DRC12: variants seen among roughly 807,000 people sequenced by gnomAD.
The protein encoded by DRC12 is dynein regulatory complex protein 12.
the DRC12 span, chr11:119,193,273 C>G: frequency 3.8e-5 from 61 of 1,589,736 alleles, no homozygotes; most frequent in Non-Finnish European, 4.8e-5. Context: ...CCACCAGGGA[C>G]CCAGGTTGGA....
chr11:119,190,630 G>C, the DRC12 span: 2 of 1,571,182 alleles, frequency 1.3e-6, no homozygotes, highest in Non-Finnish European at 1.7e-6. The surrounding 1 kb of genome is among the most constrained non-coding windows in gnomAD (Gnocchi z 4.2). Context: ...TGGGTTGTCA[G>C]TCATCATACG....
At chr11:119,191,700 C>T in the DRC12 span, among the ~76,000 whole-genome samples, 94 of 151,674 alleles carry the variant, frequency 6.2e-4, no homozygotes, top group African/African-American at 2.1e-3. Context: ...CCCAGCTACT[C>T]GGGAGACTGA....
chr11:119,190,802 C>T, the DRC12 span: 2 of 1,613,882 alleles, frequency 1.2e-6, no homozygotes, highest in South Asian at 1.1e-5. The surrounding 1 kb of genome is among the most constrained non-coding windows in gnomAD (Gnocchi z 4.2). Context: ...GCTTGTTCAG[C>T]CTCTTCCCGG....
At chr11:119,193,437 A>G in the DRC12 span, 1 of 902,298 alleles carries the variant, frequency 1.1e-6, no homozygotes. Context: ...AGCCCGACCT[A>G]CCTCCCCCAG....
chr11:119,194,840 C>T, the DRC12 span: 1 of 1,067,944 alleles, frequency 9.4e-7, no homozygotes, highest in South Asian at 1.5e-5. Context: ...ACCATACCTC[C>T]AACTCTCCAA....
chr11:119,193,711 G>A, the DRC12 span: 9 of 1,543,546 alleles, frequency 5.8e-6, no homozygotes, highest in East Asian at 2.2e-4. Context: ...TGACCCTGTT[G>A]GTTGTCCTCC....
chr11:119,195,498 T>C, the DRC12 span: 1,795 of 1,549,440 alleles, frequency 1.2e-3, 14 homozygotes, highest in South Asian at 9.8e-3. Flanking sequence ...CTCCTTGCTG[T>C]CCTGGGAGAA....
At chr11:119,190,335 G>T in the DRC12 span, 38 of 1,614,022 alleles carry the variant, frequency 2.4e-5, no homozygotes, top group South Asian at 6.6e-5. This position sits in a 1 kb window ranked among gnomAD's most constrained non-coding sequence, Gnocchi z 4.2. Context: ...AAAGATCCAG[G>T]GGGGGTGAGT....
At chr11:119,190,723 T>C in the DRC12 span, 3 of 1,613,866 alleles carry the variant, frequency 1.9e-6, no homozygotes, top group Middle Eastern at 1.7e-4. This position sits in a 1 kb window ranked among gnomAD's most constrained non-coding sequence, Gnocchi z 4.2. Context: ...TAAGATTTCC[T>C]CATACTTCGC....
At chr11:119,193,828 C>CTCTGCCTCAGCTGG in the DRC12 span, 1 of 1,551,698 alleles carries the variant, frequency 6.4e-7, no homozygotes, top group East Asian at 2.4e-5. Context: ...CCCTTGCAGC[C>CTCTGCCTCAGCTGG]TCTGCCTCAG....
the DRC12 span, chr11:119,193,087 C>G: frequency 7.4e-7 from 1 of 1,354,672 alleles, no homozygotes; most frequent in Non-Finnish European, 1.1e-6. Context: ...TGAAGTCTAC[C>G]CCTTCATGCT....
At chr11:119,192,013 T>C in the DRC12 span, among the ~76,000 whole-genome samples, 1 of 151,526 alleles carries the variant, frequency 6.6e-6, no homozygotes, top group Non-Finnish European at 1.5e-5. Flanking sequence ...TCTTACTCTG[T>C]TGCCGAGGCT....
the DRC12 span, chr11:119,190,624 T>C: frequency 2.6e-6 from 4 of 1,566,994 alleles, no homozygotes; most frequent in Non-Finnish European, 3.5e-6. This position sits in a 1 kb window ranked among gnomAD's most constrained non-coding sequence, Gnocchi z 4.2. Flanking sequence ...TAACCCTGGG[T>C]TGTCAGTCAT....
At chr11:119,193,294 TG>T in the DRC12 span, 1 of 1,482,402 alleles carries the variant, frequency 6.7e-7, no homozygotes, top group Non-Finnish European at 9.4e-7. Flanking sequence ...GATGGAGGGA[TG>T]GAGAAAGGAA....
the DRC12 span, chr11:119,193,650 G>C: frequency 4.0e-6 from 6 of 1,490,522 alleles, no homozygotes; most frequent in South Asian, 8.1e-5. Flanking sequence ...GAAAGACCAA[G>C]ACCAGGCCTG....
the DRC12 span, among the ~76,000 whole-genome samples, chr11:119,194,411 G>C: frequency 6.7e-6 from 1 of 150,264 alleles, no homozygotes; most frequent in African/African-American, 2.4e-5. Flanking sequence ...CTACTCGGGA[G>C]GCTGAGGCAG....
the DRC12 span, chr11:119,194,774 A>AC: frequency 1 from 567,912 of 568,764 alleles, 283,532 homozygotes; most frequent in South Asian, 1. Context: ...CTCACTGCCC[A>AC]CCCTCTCTCA....
chr11:119,195,562 A>T, the DRC12 span: 115 of 1,224,426 alleles, frequency 9.4e-5, no homozygotes, highest in Admixed American at 2.0e-5. Context: ...TGAGCTTTAG[A>T]CTGAACCAGG....
chr11:119,190,259 T>C, the DRC12 span: 4 of 1,611,300 alleles, frequency 2.5e-6, no homozygotes, highest in Admixed American at 3.3e-5. This position sits in a 1 kb window ranked among gnomAD's most constrained non-coding sequence, Gnocchi z 4.2. Flanking sequence ...CTCTATTGAG[T>C]TCTACATCAA....
Sources: allele counts gnomAD v4.1 joint callset (sites outside exome capture counted in the v4.1 genomes callset), GRCh38; gene constraint gnomAD v4.1.1; non-coding constraint Gnocchi (gnomAD v3.1); transcripts MANE v1.5; gene names NCBI Gene and HGNC (gene_info 2026-07-23, HGNC 2026-07-21).